CEP128: variants seen among roughly 807,000 people sequenced by gnomAD.
CEP128 encodes centrosomal protein 128, also known as centrosomal protein 128kDa.
A neutral mutation model predicts 156.7 loss-of-function variants in CEP128; 132 were observed. The ratio of observed to expected loss-of-function variants is 0.84; its 90% CI spans 0.73 to 0.97. The LOEUF (loss-of-function observed/expected upper bound fraction) is 0.97, where lower values mean the gene tolerates loss of function less well. Ranked by LOEUF, CEP128 falls within the 50% of genes least tolerant of loss-of-function variation. CEP128 has a pLI of 0.00. For missense variants in CEP128, 1,252 were observed against 1,281.9 expected (o/e 0.98, Z 0.36); for synonymous variants, 469 against 448.9 (o/e 1.04, Z -0.57).
chr14:80,646,602 C>A (rs1029999865), intron 19 of CEP128, among the ~76,000 whole-genome samples: 15 of 151,918 alleles, frequency 9.9e-5, no homozygotes, highest in African/African-American at 3.4e-4. Context: ...AAACGTTATA[C>A]ATACTTACAA....
chr14:80,679,820 G>A (rs763069266), intron 19 of CEP128, among the ~76,000 whole-genome samples: 15 of 152,148 alleles, frequency 9.9e-5, no homozygotes, highest in Non-Finnish European at 1.6e-4. Context: ...AAACCTGCTG[G>A]TTTTGCAGCT....
At chr14:80,950,503 T>C (rs575074028) in intron 2 of CEP128, among the ~76,000 whole-genome samples, 8 of 152,194 alleles carry the variant, frequency 5.3e-5, no homozygotes, top group African/African-American at 1.7e-4. Context: ...AAAAAGACGT[T>C]GGATGGGATT....
At chr14:80,825,803 G>A (rs1014663386) in intron 13 of CEP128, among the ~76,000 whole-genome samples, 2 of 151,920 alleles carry the variant, frequency 1.3e-5, no homozygotes, top group African/African-American at 4.8e-5. Flanking sequence ...TTAGTTATAG[G>A]GATTTTACTT....
chr14:80,482,713 C>T (rs1393679703), intron 14 of CEP128, among the ~76,000 whole-genome samples: 1 of 152,136 alleles, frequency 6.6e-6, no homozygotes, highest in Non-Finnish European at 1.5e-5. Flanking sequence ...ATGACCTAAA[C>T]TTCAAAATGT....
chr14:80,873,485 AT>A (rs1888128785), intron 8 of CEP128, among the ~76,000 whole-genome samples: 1 of 152,236 alleles, frequency 6.6e-6, no homozygotes, highest in Admixed American at 6.5e-5. Flanking sequence ...AGGTGAAACA[AT>A]AAATGTAATG....
rs1158840032 is a variant in CEP128, at chr14:80,743,181, T to C, written c.2700A>G (p.Gln900=). Residue 900 remains glutamine (Q), a synonymous_variant, in exon 19 of 25, where the codon CAA becomes CAG. Transcript: ENST00000555265. ...TGTTTTCAGTCAAATTCCTGAGTTG[T>C]TGTCTGCAGAGCATCAGCTGGTGTC... is the stretch of plus-strand genomic sequence containing the variant. ...NLRHQLMLCR[Q]QLRNLTENKE... is the part of the protein sequence containing the mutation. 2 of 1,613,806 alleles carry C rather than the reference T, an allele frequency of 1.2e-6. No homozygotes were observed. The highest frequency in any genetic ancestry group is 1.7e-5 in the Admixed American group (1 of 59,976).
rs1415302404 is a variant in CEP128 at position 80,785,353 on chromosome 14, G to A, written c.1753C>T (p.Leu585=). ...ADLELEVKNS[L]DTIHRLESEL... is the part of the protein sequence containing the mutation. ...CTCTCCAGTCTATGGATGGTATCCA[G>A]GGAATTCTTAACTTCCAATTCAAGG... The change falls in exon 15 of 25, where the codon CTG becomes TTG. Residue 585 remains leucine, a synonymous_variant. Transcript: ENST00000555265. 3 of 1,613,940 alleles carry A rather than the reference G, an allele frequency of 1.9e-6. No homozygotes were observed. The highest frequency in any genetic ancestry group is 2.5e-6 in the Non-Finnish European group (3 of 1,179,968).
At position 80,836,338 on chromosome 14, in the gene CEP128, C is replaced by T. The variant is rs1457486116; in HGVS notation, c.925-1G>A. ...TAAGTTGTGTACGCAGTTCTTCTAC[C>T]TAACACATGGTCAAAAATCAAACAT... On this transcript the variant is annotated splice_acceptor_variant, in intron 11 of 24. Transcript: ENST00000555265. LOFTEE classifies it high-confidence loss of function. 5.0e-6 allele frequency: 8 copies of T among 1,613,728 alleles called. No homozygotes were observed. The highest frequency in any genetic ancestry group is 5.9e-6 in the Non-Finnish European group (7 of 1,179,844).
Position 80,800,713 on chromosome 14 carries a change from T to A in CEP128, c.1210-7603A>T, listed in dbSNP as rs375287146. On this transcript the variant is annotated intron_variant, in intron 13 of 24. Transcript: ENST00000555265. ...ATCACAGGATAAGGTTGACTTGTGT[T>A]AAAACTAAACCAGGCATCGACTAGT... 3.9e-5 allele frequency among the ~76,000 whole-genome samples: 6 copies of A among 152,074 alleles called. No homozygotes were observed. In the East Asian group the frequency reaches 9.6e-4, roughly 24 times the overall value.
chr14:80,909,976 TA>T (rs1884115097), intron 4 of CEP128, among the ~76,000 whole-genome samples: 1 of 152,202 alleles, frequency 6.6e-6, no homozygotes, highest in African/African-American at 2.4e-5. Context: ...TTCCTAAAAC[TA>T]ATCAATCTTA....
chr14:80,713,526 T>C (rs575047637), intron 19 of CEP128, among the ~76,000 whole-genome samples: 16 of 152,104 alleles, frequency 1.1e-4, no homozygotes, highest in Non-Finnish European at 2.2e-4. Flanking sequence ...CAAGCAGAGA[T>C]GGTGCCTCCA....
intron 2 of CEP128, chr14:80,955,322 G>C (rs1191860283): frequency 4.6e-6 from 2 of 439,502 alleles, no homozygotes; most frequent in Non-Finnish European, 8.4e-6. Context: ...CTAGGCTTTG[G>C]AGAGAACTAA....
chr14:80,824,618 C>T (rs899219256), intron 13 of CEP128, among the ~76,000 whole-genome samples: 3 of 152,208 alleles, frequency 2.0e-5, no homozygotes, highest in African/African-American at 7.2e-5. Flanking sequence ...TAAAACTTAA[C>T]AAGAGTCACC....
chr14:80,725,698 A>G (rs1254377413), intron 19 of CEP128, among the ~76,000 whole-genome samples: 1 of 152,222 alleles, frequency 6.6e-6, no homozygotes, highest in Non-Finnish European at 1.5e-5. Context: ...AGAAGATTGT[A>G]ATTCACAAAG....
At chr14:80,737,133 C>G (rs1393233133) in intron 19 of CEP128, among the ~76,000 whole-genome samples, 2 of 152,186 alleles carry the variant, frequency 1.3e-5, no homozygotes, top group Non-Finnish European at 1.5e-5. Context: ...AGGCTGGGTG[C>G]AGTGGCTCAT....
intron 8 of CEP128, among the ~76,000 whole-genome samples, chr14:80,884,536 C>T (rs1595544752): frequency 6.6e-6 from 1 of 152,256 alleles, no homozygotes; most frequent in African/African-American, 2.4e-5. Context: ...GGCATTGCCT[C>T]ACCGGGGAAG....
chr14:80,955,001 C>T (rs8022139), intron 2 of CEP128: 35,559 of 153,104 alleles, frequency 0.23, 5,223 homozygotes, highest in African/African-American at 0.41. Flanking sequence ...TCGACTCAAC[C>T]ACCGGAGTGG....
rs369982466 is a variant in CEP128, at chr14:80,574,374, G to T, written c.2856+6000C>A. Among the ~76,000 whole-genome samples the T allele has an allele frequency of 8.5e-5, 13 of 152,132 alleles. 1 individual carries two copies. The East Asian group carries it at 1.5e-3, about 18-fold the overall frequency. On this transcript the variant is annotated intron_variant, in intron 20 of 24. Transcript: ENST00000555265. ...CAATCTCTAAAAGTACTGGTTATGG[G>T]CATGCTACAGTTCGGCAGAAAAGAC... is the stretch of plus-strand genomic sequence containing the variant.
intron 8 of CEP128, among the ~76,000 whole-genome samples, chr14:80,877,880 C>T (rs1039900499): frequency 2.0e-5 from 3 of 152,268 alleles, no homozygotes; most frequent in Non-Finnish European, 4.4e-5. Flanking sequence ...ACCCACCCCC[C>T]ACCGCAGGTA....
Sources: allele counts gnomAD v4.1 joint callset (sites outside exome capture counted in the v4.1 genomes callset), GRCh38; gene constraint gnomAD v4.1.1; transcripts MANE v1.5; gene names NCBI Gene and HGNC (gene_info 2026-07-23, HGNC 2026-07-21).